CCNG2: variants seen among roughly 807,000 people sequenced by gnomAD.
The protein encoded by CCNG2 is cyclin G2, also known as cyclin-G2.
CCNG2 carries 20 observed loss-of-function variants against 36.5 expected under a neutral mutation model. The observed-to-expected ratio is 0.55, with a 90% CI of 0.39 to 0.80. The LOEUF (loss-of-function observed/expected upper bound fraction) is 0.80, where lower values mean the gene tolerates loss of function less well. Among genes scored for constraint, CCNG2 ranks in the 30% least tolerant of loss-of-function variants. The pLI is 0.00. For missense variants in CCNG2, 358 were observed against 390.8 expected, an observed-to-expected ratio of 0.92 and a Z score of 0.71; for synonymous variants, 155 against 140.1, an observed-to-expected ratio of 1.11 and a Z score of -0.75.
intron 6 of CCNG2, among the ~76,000 whole-genome samples, chr4:77,163,447 G>A (rs1487664594): frequency 6.6e-6 from 1 of 152,210 alleles, no homozygotes; most frequent in Non-Finnish European, 1.5e-5. Context: ...AAGTGGGTTA[G>A]GATGTAGCTA....
intron 1 of CCNG2, chr4:77,158,271 G>A (rs760355150): frequency 4.6e-5 from 21 of 458,064 alleles, no homozygotes; most frequent in Non-Finnish European, 7.8e-5. Context: ...TCCTGTTTGT[G>A]AAACGCCAAG....
chr4:77,161,652 T>A lies in CCNG2; in HGVS notation c.610T>A (p.Ser204Thr). 6.3e-7 allele frequency: 1 copy of A among 1,586,836 alleles called. No individual in the cohort carries two copies. Among genetic ancestry groups the A allele is most frequent in the Non-Finnish European group, 8.6e-7 (1 of 1,169,228 alleles). ...CRLIFSKAKP[S>T]VLALCLLNLE... The stretch of plus-strand genomic sequence containing the variant: ...TTTTTTTTCTTTTTTCTTACAGCCA[T>A]CTGTATTAGCCTTGTGCCTTCTCAA... Residue 204 changes from serine to threonine, a missense_variant, in exon 6 of 8, where the codon TCT becomes ACT. Transcript: ENST00000316355.
chr4:77,163,263 A>T (rs1731535787), intron 6 of CCNG2, among the ~76,000 whole-genome samples: 1 of 152,122 alleles, frequency 6.6e-6, no homozygotes, highest in African/African-American at 2.4e-5. Context: ...AAGTGAAGAA[A>T]GGTACATCCC....
chr4:77,161,637 TTTTTC>T lies in CCNG2; in HGVS notation c.607-9_607-5del. On this transcript the variant is annotated splice_polypyrimidine_tract_variant and splice_region_variant and intron_variant, in intron 5 of 7. Coordinates refer to ENST00000316355, the MANE Select transcript of CCNG2 (RefSeq NM_004354.3). Reference sequence around the variant, plus strand: ...TAAAAAATATTTTTCTTTTTTTTCTTTTTTCTTACAGCCATCTGTATTAGCCTTGT... The same window carrying T: ...TAAAAAATATTTTTCTTTTTTTTCTTTTACAGCCATCTGTATTAGCCTTGT... The T allele has an allele frequency of 1.3e-6, 2 of 1,580,320 alleles. No individual in the cohort carries two copies. Among genetic ancestry groups the T allele is most frequent in the Non-Finnish European group, 1.7e-6 (2 of 1,165,810 alleles).
Position 77,165,795 on chromosome 4 carries a change from CTT to C in CCNG2, c.912-4_912-3del. ...ATCCTCTTTTTTTGTCTCTTTTTCT[CTT>C]TAGTGAGGACTCTTGTGAAGATATG... On this transcript the variant is annotated splice_polypyrimidine_tract_variant and splice_region_variant and intron_variant, in intron 7 of 7. Transcript: ENST00000316355. 1 of 1,545,148 alleles carries C rather than the reference CTT, an allele frequency of 6.5e-7. No individual in the cohort carries two copies.
chr4:77,158,317 G>A (rs1204386789), intron 1 of CCNG2: 3 of 562,132 alleles, frequency 5.3e-6, no homozygotes, highest in Admixed American at 3.2e-5. Flanking sequence ...AGCGCTGGCC[G>A]GCGGACCTGA....
chr4:77,158,919 C>T (rs1731348955), intron 2 of CCNG2, among the ~76,000 whole-genome samples: 1 of 152,244 alleles, frequency 6.6e-6, no homozygotes, highest in African/African-American at 2.4e-5. Flanking sequence ...GCCCCCCATA[C>T]TCCAGCCTGC....
intron 4 of CCNG2, 98 bp from the exon 5 acceptor site, chr4:77,161,382 G>A (rs758356688): frequency 1.1e-5 from 10 of 909,892 alleles, no homozygotes; most frequent in African/African-American, 6.8e-5. Flanking sequence ...GATTACAGGC[G>A]TGAGACACCG....
At chr4:77,162,027 T>A (rs1025476726) in intron 6 of CCNG2, among the ~76,000 whole-genome samples, 1 of 152,222 alleles carries the variant, frequency 6.6e-6, no homozygotes, top group Non-Finnish European at 1.5e-5. Flanking sequence ...TTGCCACATA[T>A]GCATTGTTCT....
intron 6 of CCNG2, among the ~76,000 whole-genome samples, chr4:77,163,658 TC>T (rs1325107687): frequency 2.0e-5 from 3 of 152,190 alleles, no homozygotes; most frequent in African/African-American, 7.2e-5. Context: ...CTGAAGGCAT[TC>T]CGAAGGAGGA....
In CCNG2 at chr4:77,161,494, G is replaced by T. The variant is rs1458441414; in HGVS notation, c.542G>T (p.Ser181Ile). Residue 181 changes from serine (S) to isoleucine (I), a missense_variant, in exon 5 of 8, where the codon AGC becomes ATC. By Grantham distance (142) the Ser-to-Ile change is moderately radical. Transcript: ENST00000316355. ...CHTSERKEILSLDKLEAQLKA... is the reference protein window; with the variant it reads ...CHTSERKEILILDKLEAQLKA... ...GCATTGTATAGGAAAGAAATACTGA[G>T]CCTTGATAAACTAGAAGCTCAGCTG... is the stretch of plus-strand genomic sequence containing the variant. 1.2e-6 allele frequency: 2 copies of T among 1,602,742 alleles called. No homozygotes were observed. The highest frequency in any genetic ancestry group is 1.7e-6 in the Non-Finnish European group (2 of 1,175,420).
At chr4:77,163,185 C>T (rs1465675549) in intron 6 of CCNG2, among the ~76,000 whole-genome samples, 2 of 152,038 alleles carry the variant, frequency 1.3e-5, no homozygotes, top group African/African-American at 4.8e-5. Context: ...CTGTGGAATC[C>T]TTTTTGTAGG....
Position 77,167,461 on chromosome 4 carries a change from T to C in CCNG2, c.*1537T>C, listed in dbSNP as rs542992468. The C allele has an allele frequency of 1.3e-5, 2 of 152,306 alleles. No homozygotes were observed. Among genetic ancestry groups the C allele is most frequent in the Admixed American group, 1.3e-4 (2 of 15,296 alleles). 9.4% of individuals were successfully genotyped at this position (152,306 alleles called of 1,614,324 possible). On this transcript the variant is annotated 3_prime_UTR_variant, in exon 8 of 8. Coordinates refer to ENST00000316355, the MANE Select transcript of CCNG2 (RefSeq NM_004354.3). ...GGTATATTACCAGAATGCCTATTAATTTTCAGTGAGAGGCAACAGGTATTA... is the reference window on the plus strand; with the variant it reads ...GGTATATTACCAGAATGCCTATTAACTTTCAGTGAGAGGCAACAGGTATTA...
Position 77,165,808 on chromosome 4 carries a change from T to C in CCNG2, c.919T>C (p.Ser307Pro), listed in dbSNP as rs1049732503. The change falls in exon 8 of 8, where the codon TCT becomes CCT. Residue 307 changes from serine to proline, a missense_variant. By Grantham distance (74) the Ser-to-Pro change is moderately conservative. Transcript: ENST00000316355. ...GTCTCTTTTTCTCTTTAGTGAGGAC[T>C]CTTGTGAAGATATGAGTTGTGGAGA... ...GCFDESESED[S>P]CEDMSCGEES... The C allele has an allele frequency of 1.3e-6, 2 of 1,584,736 alleles. No homozygotes were observed. The highest frequency in any genetic ancestry group is 3.8e-5 in the Admixed American group (2 of 52,572).
rs980703105 is a variant in CCNG2 at position 77,164,289 on chromosome 4, T to G, written c.721T>G (p.Phe241Val). Residue 241 changes from phenylalanine (F) to valine (V), a missense_variant, in exon 7 of 8, where the codon TTC (phenylalanine) becomes GTC (valine). Coordinates refer to ENST00000316355, the MANE Select transcript of CCNG2 (RefSeq NM_004354.3). ...KKHSKINDTEFFYWRELVSKC... is the reference protein window; with the variant it reads ...KKHSKINDTEVFYWRELVSKC... ...TTTTTTTCAGATTAATGACACTGAG[T>G]TCTTCTACTGGAGAGAGTTGGTTTC... 6.2e-7 allele frequency: 1 copy of G among 1,613,406 alleles called. No homozygotes were observed. The highest frequency in any genetic ancestry group is 1.3e-5 in the African/African-American group (1 of 74,890).
In CCNG2 at chr4:77,158,544, G is replaced by A; in HGVS notation, c.12G>A (p.Leu4=). Residue 4 remains leucine (L), a synonymous_variant, in exon 2 of 8, where the codon TTG becomes TTA. Transcript: ENST00000316355. MKD[L]GAEHLAGHEG... ...TGTCTTTACTGCAGATGAAGGATTT[G>A]GGGGCAGAGCACTTGGCAGGTCATG... 6.2e-7 allele frequency: 1 copy of A among 1,614,116 alleles called. No homozygotes were observed. Among genetic ancestry groups the A allele is most frequent in the Non-Finnish European group, 8.5e-7 (1 of 1,179,984 alleles).
At chr4:77,159,256 A>C (rs1325930520) in intron 2 of CCNG2, 111 bp from the exon 3 acceptor site, 32 of 985,482 alleles carry the variant, frequency 3.2e-5, no homozygotes, top group Non-Finnish European at 4.8e-5. Flanking sequence ...ATTGAGGGAA[A>C]AAAATTAACC....
At position 77,167,159 on chromosome 4, in the gene CCNG2, T is replaced by G. The variant is rs2109925882; in HGVS notation, c.*1235T>G. 6.6e-6 allele frequency: 1 copy of G among 152,054 alleles called. No homozygotes were observed. Among genetic ancestry groups the G allele is most frequent in the South Asian group, 2.1e-4 (1 of 4,830 alleles). The allele number at this position is 152,054 out of a possible 1,614,324, so 9.4% of individuals were successfully genotyped here. On this transcript the variant is annotated 3_prime_UTR_variant, in exon 8 of 8. Transcript: ENST00000316355. ...GTTGGATGTTTTCTGAAGTGGCTCTTTTTGAAGTGATAATAGATTGTAATT... is the reference window on the plus strand; with the variant it reads ...GTTGGATGTTTTCTGAAGTGGCTCTGTTTGAAGTGATAATAGATTGTAATT...
chr4:77,166,868 T>G lies in CCNG2; in HGVS notation c.*944T>G, dbSNP rs1435045935. On this transcript the variant is annotated 3_prime_UTR_variant, in exon 8 of 8. Coordinates refer to ENST00000316355, the MANE Select transcript of CCNG2 (RefSeq NM_004354.3). ...ATGAAGAACCCGAGTGTTTGTAGTATTATAGTTTTAAGCAAATCTGTGTGG... is the reference window on the plus strand; with the variant it reads ...ATGAAGAACCCGAGTGTTTGTAGTAGTATAGTTTTAAGCAAATCTGTGTGG... 2.6e-5 allele frequency: 4 copies of G among 152,222 alleles called. No homozygotes were observed. Among genetic ancestry groups the G allele is most frequent in the Admixed American group, 6.5e-5 (1 of 15,292 alleles). The allele number at this position is 152,222 out of a possible 1,614,324, so 9.4% of individuals were successfully genotyped here. A position where few individuals can be genotyped will look rare whatever the true frequency, so the allele number is the denominator to read the frequency against.
Sources: allele counts gnomAD v4.1 joint callset (sites outside exome capture counted in the v4.1 genomes callset), GRCh38; gene constraint gnomAD v4.1.1; transcripts MANE v1.5; gene names NCBI Gene and HGNC (gene_info 2026-07-23, HGNC 2026-07-21).